Variants in ZNF385D observed in about 807,000 individuals in gnomAD.
ZNF385D encodes the protein zinc finger protein 385D, also known as zinc finger protein 659.
Under a neutral mutation model 35.8 loss-of-function variants are expected in ZNF385D, and 15 were observed. The ratio of observed to expected loss-of-function variants is 0.42; its 90% CI spans 0.28 to 0.64. The LOEUF is 0.64. Ranked by LOEUF, ZNF385D falls within the 30% of genes least tolerant of loss-of-function variation. ZNF385D has a pLI of 0.23. For synonymous variants in ZNF385D, 212 were observed against 186.8 expected (o/e 1.13, Z -1.10); for missense variants, 474 against 494.6 (o/e 0.96, Z 0.39).
chr3:21,975,903 G>A (rs1448528019), intron 3 of ZNF385D, among the ~76,000 whole-genome samples: 3 of 151,888 alleles, frequency 2.0e-5, no homozygotes, highest in East Asian at 1.9e-4. Context: ...AGATGCAAAC[G>A]AGCCAAGCAT....
chr3:21,944,638 G>T (rs1302081116), intron 3 of ZNF385D, among the ~76,000 whole-genome samples: 1 of 152,028 alleles, frequency 6.6e-6, no homozygotes, highest in Non-Finnish European at 1.5e-5. Context: ...TCAGCTGAAG[G>T]GTGGGAGAAT....
intron 4 of ZNF385D, among the ~76,000 whole-genome samples, chr3:21,506,024 T>A (rs1706749611): frequency 6.6e-6 from 1 of 152,172 alleles, no homozygotes; most frequent in South Asian, 2.1e-4. Context: ...CCCTGCAGGC[T>A]GTAACTATAA....
rs184414961 is a variant in ZNF385D at position 22,223,288 on chromosome 3, T to C, written c.107-54253A>G. 2.1e-4 allele frequency among the ~76,000 whole-genome samples: 32 copies of C among 152,278 alleles called. 1 individual carries two copies. The highest frequency in any genetic ancestry group is 1.6e-3 in the Admixed American group (24 of 15,284). On this transcript the variant is annotated intron_variant, in intron 2 of 5. Transcript: ENST00000494108. ...TTATTTGTTTGTCCTTCGTGTTTTC[T>C]CTATCTCGGTTGTTTGTTGTATAAG...
intron 3 of ZNF385D, among the ~76,000 whole-genome samples, chr3:21,922,480 A>T (rs1700518667): frequency 6.6e-6 from 1 of 152,194 alleles, no homozygotes; most frequent in African/African-American, 2.4e-5. Flanking sequence ...CCAGAAATAG[A>T]GTCACACACG....
At chr3:21,711,429 G>T (rs1450061114) in intron 1 of ZNF385D, among the ~76,000 whole-genome samples, 3 of 151,606 alleles carry the variant, frequency 2.0e-5, no homozygotes, top group African/African-American at 7.3e-5. Context: ...AGTTTGTAAA[G>T]ATTGGAGAAA....
intron 3 of ZNF385D, among the ~76,000 whole-genome samples, chr3:22,047,096 G>T (rs1184379386): frequency 6.6e-6 from 1 of 152,056 alleles, no homozygotes; most frequent in East Asian, 1.9e-4. Flanking sequence ...AACGATGAAG[G>T]CTTCTGACAT....
intron 2 of ZNF385D, among the ~76,000 whole-genome samples, chr3:21,651,691 G>A (rs992074204): frequency 1.3e-5 from 2 of 152,098 alleles, no homozygotes; most frequent in African/African-American, 4.8e-5. Flanking sequence ...TCCTCCAGGA[G>A]TTCTGTGACA....
intron 3 of ZNF385D, among the ~76,000 whole-genome samples, chr3:21,811,316 T>G (rs950984525): frequency 2.0e-5 from 3 of 152,054 alleles, no homozygotes; most frequent in African/African-American, 4.8e-5. Flanking sequence ...CAGAACTTTT[T>G]GGGAAAATTG....
intron 3 of ZNF385D, among the ~76,000 whole-genome samples, chr3:22,103,798 G>A (rs897398104): frequency 4.6e-5 from 7 of 151,956 alleles, no homozygotes; most frequent in Admixed American, 3.3e-4. Context: ...GTATCAGAAT[G>A]GCAAACTATG....
At chr3:21,864,339 C>T (rs181014733) in intron 3 of ZNF385D, among the ~76,000 whole-genome samples, 1 of 152,204 alleles carries the variant, frequency 6.6e-6, no homozygotes, top group Admixed American at 6.5e-5. Context: ...GCAGCGGATG[C>T]AAAGTCTTAG....
chr3:21,774,437 G>T (rs1283671329), intron 3 of ZNF385D, among the ~76,000 whole-genome samples: 1 of 151,750 alleles, frequency 6.6e-6, no homozygotes, highest in East Asian at 1.9e-4. Flanking sequence ...TAAAATAAAA[G>T]TTGGAATCAA....
intron 2 of ZNF385D, among the ~76,000 whole-genome samples, chr3:21,620,943 C>T (rs1433529907): frequency 1.3e-5 from 2 of 152,178 alleles, no homozygotes; most frequent in Middle Eastern, 3.4e-3. Context: ...AGGTAAGCAA[C>T]GCTATGTGCC....
At chr3:22,195,826 G>A (rs1196880062) in intron 2 of ZNF385D, among the ~76,000 whole-genome samples, 1 of 152,000 alleles carries the variant, frequency 6.6e-6, no homozygotes, top group African/African-American at 2.4e-5. Flanking sequence ...TATACACCAT[G>A]AAATATTATA....
At chr3:21,658,079 A>T (rs577280776) in intron 2 of ZNF385D, among the ~76,000 whole-genome samples, 2 of 152,154 alleles carry the variant, frequency 1.3e-5, no homozygotes, top group South Asian at 4.1e-4. Context: ...CTGTAATATT[A>T]TAAGTGTACA....
intron 2 of ZNF385D, among the ~76,000 whole-genome samples, chr3:22,247,669 A>T (rs192408586): frequency 6.7e-6 from 1 of 150,202 alleles, no homozygotes; most frequent in Non-Finnish European, 1.5e-5. Flanking sequence ...TCTCTCTGTC[A>T]CCCAGTCTGG....
chr3:22,193,921 G>C lies in ZNF385D; in HGVS notation c.107-24886C>G, dbSNP rs116758979. 9.1e-3 allele frequency among the ~76,000 whole-genome samples: 1,389 copies of C among 151,986 alleles called. 16 individuals are homozygous for C. Among genetic ancestry groups the C allele is most frequent in the African/African-American group, 0.031 (1,300 of 41,518 alleles). ...AAGTCATGGGAATGTCAGTTTTATT[G>C]AACTATTATCAGCATTAGGTAGTGC... On this transcript the variant is annotated intron_variant, in intron 2 of 5. Coordinates refer to the ZNF385D transcript ENST00000494108.
intron 3 of ZNF385D, among the ~76,000 whole-genome samples, chr3:21,921,320 G>A (rs888228617): frequency 6.6e-6 from 1 of 151,734 alleles, no homozygotes; most frequent in African/African-American, 2.4e-5. Flanking sequence ...AACACTTGGA[G>A]TATGTATTTG....
At chr3:21,745,691 G>A (rs1176827677) in intron 1 of ZNF385D, among the ~76,000 whole-genome samples, 1 of 152,200 alleles carries the variant, frequency 6.6e-6, no homozygotes, top group Admixed American at 6.5e-5. Flanking sequence ...AAAGAGAGAG[G>A]GCAGGGACTA....
chr3:21,445,619 C>T (rs184964350), intron 4 of ZNF385D, among the ~76,000 whole-genome samples: 43 of 152,230 alleles, frequency 2.8e-4, no homozygotes, highest in African/African-American at 1.0e-3. Flanking sequence ...GCCTTAATTT[C>T]TAAGTCAAAG....
Sources: gnomAD v4.1 joint callset for allele counts (sites outside exome capture counted in the v4.1 genomes callset) on GRCh38, gnomAD v4.1.1 for gene constraint, MANE v1.5 for transcripts, NCBI Gene and HGNC (gene_info 2026-07-23, HGNC 2026-07-21) for gene names.